COG4: variants seen among roughly 807,000 people sequenced by gnomAD.
COG4 encodes conserved oligomeric Golgi complex subunit 4.
Under a neutral mutation model 95.1 loss-of-function variants are expected in COG4, and 65 were observed. The ratio of observed to expected loss-of-function variants is 0.68; its 90% CI spans 0.56 to 0.84. The LOEUF is 0.84. Ranked by LOEUF, COG4 falls within the 40% of genes least tolerant of loss-of-function variation. The pLI, the probability that COG4 is intolerant of heterozygous loss-of-function variation, is 0.00. For missense variants in COG4, 1,045 were observed against 989.1 expected (o/e 1.06, Z -0.76); for synonymous variants, 421 against 374.8 (o/e 1.12, Z -1.42).
chr16:70,487,294 A>G (rs2049157793), intron 13 of COG4, among the ~76,000 whole-genome samples: 2 of 151,122 alleles, frequency 1.3e-5, no homozygotes, highest in Admixed American at 1.3e-4. Flanking sequence ...AAAAAATAAA[A>G]ATAAAAAAAA....
chr16:70,504,223 C>A (rs1247052766), intron 8 of COG4, among the ~76,000 whole-genome samples: 2 of 152,146 alleles, frequency 1.3e-5, no homozygotes, highest in Non-Finnish European at 2.9e-5. Context: ...ACCCATACCC[C>A]CCTGGGGTAT....
In COG4 at chr16:70,481,805, C is replaced by T. The variant is rs529444974; in HGVS notation, c.2065G>A (p.Val689Ile). The T allele has an allele frequency of 3.4e-5, 55 of 1,614,092 alleles. No homozygotes were observed. Among genetic ancestry groups the T allele is most frequent in the African/African-American group, 2.0e-4 (15 of 75,052 alleles). ...TTCAGCACCACTTTCTCCAACTCGA[C>T]GGCAACAAGGCTAGTCATGAGGCCG... ...LTGLMTSLVA[V>I]ELEKVVLKST... Residue 689 changes from valine (V) to isoleucine (I), a missense_variant, in exon 17 of 19, where the codon GTC (valine) becomes ATC (isoleucine). Coordinates refer to ENST00000323786, the MANE Select transcript of COG4 (RefSeq NM_015386.3).
intron 1 of COG4, among the ~76,000 whole-genome samples, chr16:70,522,291 C>T (rs925872005): frequency 4.6e-5 from 7 of 152,170 alleles, no homozygotes; most frequent in African/African-American, 9.6e-5. Context: ...CACCGCGCCC[C>T]GCAAGATACT....
At chr16:70,490,872 G>T (rs1047754441) in intron 12 of COG4, among the ~76,000 whole-genome samples, 1 of 151,946 alleles carries the variant, frequency 6.6e-6, no homozygotes, top group South Asian at 2.1e-4. Flanking sequence ...TGTTAGCCAG[G>T]ATGGTCTTGA....
chr16:70,505,078 C>T (rs535964623), intron 8 of COG4, among the ~76,000 whole-genome samples: 3 of 151,920 alleles, frequency 2.0e-5, no homozygotes, highest in Non-Finnish European at 2.9e-5. Context: ...ATAGATGCCA[C>T]GAAGAAAAAA....
intron 12 of COG4, among the ~76,000 whole-genome samples, chr16:70,491,931 C>T (rs1364136676): frequency 6.6e-6 from 1 of 151,878 alleles, no homozygotes; most frequent in South Asian, 2.1e-4. Context: ...CAGTTCTAGG[C>T]ACTGAGAGAA....
chr16:70,515,852 T>C (rs1166864847), intron 3 of COG4: 5 of 333,146 alleles, frequency 1.5e-5, no homozygotes, highest in African/African-American at 4.4e-5. Flanking sequence ...AAAATTTTTG[T>C]AGGACAGGGT....
chr16:70,496,193 T>C (rs1429598546), intron 12 of COG4, 73 bp downstream of exon 12: 1 of 1,521,350 alleles, frequency 6.6e-7, no homozygotes, highest in African/African-American at 1.4e-5. Context: ...AGGCCAATTA[T>C]ACTGTGGCTT....
intron 12 of COG4, among the ~76,000 whole-genome samples, chr16:70,491,520 C>CAA (rs72213284): frequency 0.022 from 1,184 of 54,000 alleles, 63 homozygotes; most frequent in African/African-American, 0.032. Context: ...GACTCTGTCT[C>CAA]AAAAAAAAAA....
intron 12 of COG4, among the ~76,000 whole-genome samples, chr16:70,493,755 G>C (rs1261549181): frequency 6.6e-6 from 1 of 152,082 alleles, no homozygotes; most frequent in Admixed American, 6.6e-5. Context: ...CTGGCACTGA[G>C]GATTTTTAAA....
At chr16:70,511,098 G>A (rs901905877) in intron 5 of COG4, among the ~76,000 whole-genome samples, 1 of 152,104 alleles carries the variant, frequency 6.6e-6, no homozygotes, top group Admixed American at 6.6e-5. Context: ...TTTAGAATGA[G>A]TAAAATGCAC....
At chr16:70,514,237 C>A (rs998535208) in intron 4 of COG4, 98 bp downstream of exon 4, 5 of 1,164,034 alleles carry the variant, frequency 4.3e-6, no homozygotes, top group African/African-American at 3.1e-5. Context: ...AAAAAGAAAA[C>A]TTCCTAAAAA....
At chr16:70,520,542 G>C (rs902857811) in intron 1 of COG4, among the ~76,000 whole-genome samples, 2 of 151,680 alleles carry the variant, frequency 1.3e-5, no homozygotes, top group African/African-American at 4.8e-5. Context: ...TGAGGTAGGA[G>C]AATCACTTGA....
Position 70,480,867 on chromosome 16 carries a change from C to CT in COG4, c.*142dup. The CT allele has an allele frequency of 1.0e-6, 1 of 987,484 alleles. No individual in the cohort carries two copies. Among genetic ancestry groups the CT allele is most frequent in the Non-Finnish European group, 1.6e-6 (1 of 643,434 alleles). The allele number at this position is 987,484 out of a possible 1,614,324, so 61.2% of individuals were successfully genotyped here. ...GGGCAGAGCATGGAGTGGGTCCAGA[C>CT]TTTGTTTCTCTGCTGCCAGCCGTAG... On this transcript the variant is annotated 3_prime_UTR_variant, in exon 19 of 19. Coordinates refer to ENST00000323786, the MANE Select transcript of COG4 (RefSeq NM_015386.3).
At chr16:70,509,010 T>C in intron 7 of COG4, 2 of 615,572 alleles carry the variant, frequency 3.2e-6, no homozygotes, top group Non-Finnish European at 5.8e-6. Context: ...AAGCTCTTTT[T>C]ATTTCCGTTT....
intron 7 of COG4, 187 bp downstream of exon 7, chr16:70,509,044 C>T (rs1250368991): frequency 2.8e-6 from 2 of 710,632 alleles, no homozygotes; most frequent in Non-Finnish European, 4.9e-6. Context: ...AGGCCATCAT[C>T]ATCTCGACAA....
rs776226033 is a variant in COG4 at position 70,514,379 on chromosome 16, C to A, written c.500G>T (p.Cys167Phe). ...QAAAHTHRYL[C>F]LDKSVIELSR... ...GAGCTCAATGACCGACTTGTCCAGG[C>A]ACAAGTAGCGATGAGTATGTGCTGC... is the stretch of plus-strand genomic sequence containing the variant. The change falls in exon 4 of 19, where the codon TGC becomes TTC. Residue 167 changes from cysteine to phenylalanine, a missense_variant. By Grantham distance (205) the Cys-to-Phe change is radical (BLOSUM62 -2). Transcript: ENST00000323786. 6 of 1,614,120 alleles carry A rather than the reference C, an allele frequency of 3.7e-6. No individual in the cohort carries two copies. The highest frequency in any genetic ancestry group is 4.2e-6 in the Non-Finnish European group (5 of 1,179,984).
At position 70,514,523 on chromosome 16, in the gene COG4, T is replaced by G. The variant is rs748932465; in HGVS notation, c.370-14A>C. On this transcript the variant is annotated splice_polypyrimidine_tract_variant and intron_variant, in intron 3 of 18. Coordinates refer to ENST00000323786, the MANE Select transcript of COG4 (RefSeq NM_015386.3). ...ATAGAGGCGGTTCTGCAAAAAGATT[T>G]GGTACTTACAAACAATGTCCTATTC... is the stretch of plus-strand genomic sequence containing the variant. 1 of 1,613,040 alleles carries G rather than the reference T, an allele frequency of 6.2e-7. No individual in the cohort carries two copies. Among genetic ancestry groups the G allele is most frequent in the Non-Finnish European group, 8.5e-7 (1 of 1,179,460 alleles).
rs183084969 is a variant in COG4 at position 70,487,734 on chromosome 16, C to T, written c.1710+2596G>A. On this transcript the variant is annotated intron_variant, in intron 13 of 18. Coordinates refer to ENST00000323786, the MANE Select transcript of COG4 (RefSeq NM_015386.3). ...GTTTGGGAGTGGGGAAGAACTGGGC[C>T]CCCCTCATTTTCCAATAGTTCACAA... Among the ~76,000 whole-genome samples, 30 of 152,252 alleles carry T rather than the reference C, an allele frequency of 2.0e-4. No homozygotes were observed. In the East Asian group the frequency reaches 4.8e-3, roughly 24 times the overall value.
Sources: gnomAD v4.1 joint callset for allele counts (sites outside exome capture counted in the v4.1 genomes callset) on GRCh38, gnomAD v4.1.1 for gene constraint, MANE v1.5 for transcripts, NCBI Gene and HGNC (gene_info 2026-07-23, HGNC 2026-07-21) for gene names.